The following HSD17B6 variants were observed in gnomAD, a reference collection of about 807,000 sequenced individuals.
HSD17B6 encodes the protein hydroxysteroid 17-beta dehydrogenase 6, also known as 17-beta-hydroxysteroid dehydrogenase type 6.
A neutral mutation model predicts 26.4 loss-of-function variants in HSD17B6; 16 were observed. The observed-to-expected ratio is 0.61, with a 90% CI of 0.41 to 0.92. The LOEUF (loss-of-function observed/expected upper bound fraction) is 0.92. Ranked by LOEUF, HSD17B6 falls within the 40% of genes least tolerant of loss-of-function variation. The probability of loss-of-function intolerance (pLI) is 0.00; values close to 1 mark genes in which losing one functional copy is unlikely to be tolerated. For synonymous variants in HSD17B6, 139 were observed against 153.0 expected (o/e 0.91, Z 0.68); for missense variants, 357 against 386.1 (o/e 0.92, Z 0.63).
chr12:56,781,618 A>G (rs1277102131), intron 2 of HSD17B6, among the ~76,000 whole-genome samples: 3 of 152,112 alleles, frequency 2.0e-5, no homozygotes, highest in Non-Finnish European at 2.9e-5. Flanking sequence ...CCTAGCCAAC[A>G]TGGTGAAACC....
intron 1 of HSD17B6, among the ~76,000 whole-genome samples, chr12:56,765,039 G>A (rs1369632663): frequency 1.3e-5 from 2 of 152,018 alleles, no homozygotes; most frequent in African/African-American, 4.8e-5. Flanking sequence ...TGGCCAGGCT[G>A]GTCTTGAACT....
In HSD17B6 at chr12:56,783,534, C is replaced by T. The variant is rs1478718373; in HGVS notation, c.572+1302C>T. 1.1e-4 allele frequency among the ~76,000 whole-genome samples: 15 copies of T among 132,780 alleles called. 1 individual carries two copies. Among genetic ancestry groups the T allele is most frequent in the African/African-American group, 2.3e-4 (8 of 35,086 alleles). 87.1% of individuals were successfully genotyped at this position (132,780 alleles called of 152,430 possible). On this transcript the variant is annotated intron_variant, in intron 3 of 4. Transcript: ENST00000322165. ...CTCCCGGATGGGGCGGCCGGCCGGG[C>T]GGGGGGCTGAACCCCCCCCACCTCC...
At chr12:56,780,718 G>A (rs1455261521) in intron 2 of HSD17B6, among the ~76,000 whole-genome samples, 2 of 151,800 alleles carry the variant, frequency 1.3e-5, no homozygotes, top group African/African-American at 2.4e-5. Flanking sequence ...AAAATTAGCC[G>A]GGCGTCTGTA....
At position 56,773,994 on chromosome 12, in the gene HSD17B6, C is replaced by A. The variant is rs375178982; in HGVS notation, c.142C>A (p.Gln48Lys). The A allele has an allele frequency of 2.5e-6, 4 of 1,613,958 alleles. No individual in the cohort carries two copies. Among genetic ancestry groups the A allele is most frequent in the African/African-American group, 1.3e-5 (1 of 74,872 alleles). ...GGGCTTTGGGAACCTGCTGGCCAGA[C>A]AGCTGGATGCACGAGGCTTGAGAGT... ...DSGFGNLLARQLDARGLRVLA... is the reference protein window; with the variant it reads ...DSGFGNLLARKLDARGLRVLA... Residue 48 changes from glutamine to lysine, a missense_variant, in exon 2 of 5, where the codon CAG becomes AAG. By Grantham distance (53) the Gln-to-Lys change is moderately conservative. Coordinates refer to ENST00000322165, the MANE Select transcript of HSD17B6 (RefSeq NM_003725.4).
In HSD17B6 at chr12:56,774,007, G is replaced by A. The variant is rs201615400; in HGVS notation, c.155G>A (p.Arg52Gln). The change falls in exon 2 of 5, where the codon CGA becomes CAA. Residue 52 changes from arginine (R) to glutamine (Q), a missense_variant. Arg to Gln is a conservative substitution (Grantham distance 43, BLOSUM62 1). Coordinates refer to ENST00000322165, the MANE Select transcript of HSD17B6 (RefSeq NM_003725.4). ...GNLLARQLDA[R>Q]GLRVLAACLT... ...CTGCTGGCCAGACAGCTGGATGCACGAGGCTTGAGAGTGCTGGCTGCGTGT... is the reference window on the plus strand; with the variant it reads ...CTGCTGGCCAGACAGCTGGATGCACAAGGCTTGAGAGTGCTGGCTGCGTGT... 59 of 1,614,028 alleles carry A rather than the reference G, an allele frequency of 3.7e-5. No individual in the cohort carries two copies. In the East Asian group the frequency reaches 5.3e-4, roughly 15 times the overall value.
chr12:56,782,240 A>T lies in HSD17B6; in HGVS notation c.572+8A>T. The T allele has an allele frequency of 1.2e-6, 2 of 1,611,680 alleles. No individual in the cohort carries two copies. Among genetic ancestry groups the T allele is most frequent in the Non-Finnish European group, 1.7e-6 (2 of 1,178,956 alleles). On this transcript the variant is annotated splice_region_variant and intron_variant, in intron 3 of 4. Coordinates refer to ENST00000322165, the MANE Select transcript of HSD17B6 (RefSeq NM_003725.4). ...CTTTTCAGATATTCTGAGGTAACTTAAGTTAAAACAAAAACAGCTATTGAG... is the reference window on the plus strand; with the variant it reads ...CTTTTCAGATATTCTGAGGTAACTTTAGTTAAAACAAAAACAGCTATTGAG...
chr12:56,769,229 A>G (rs934723321), intron 1 of HSD17B6, among the ~76,000 whole-genome samples: 2 of 151,768 alleles, frequency 1.3e-5, no homozygotes, highest in Admixed American at 1.3e-4. Flanking sequence ...CCGCCTCCCA[A>G]GTAGCTGGGA....
chr12:56,769,410 C>T (rs532882629), intron 1 of HSD17B6, among the ~76,000 whole-genome samples: 9 of 152,190 alleles, frequency 5.9e-5, no homozygotes, highest in Admixed American at 5.2e-4. Flanking sequence ...CCTAGCTTTT[C>T]AAGATCTTTG....
At position 56,785,819 on chromosome 12, in the gene HSD17B6, A is replaced by G. The variant is rs753686733; in HGVS notation, c.736+803A>G. ...CTTAATGTGACAGGAGAAAGCATGT[A>G]GGTGGGAAGAGGTAAGTCAGTGAGG... On this transcript the variant is annotated intron_variant, in intron 4 of 4. Coordinates refer to ENST00000322165, the MANE Select transcript of HSD17B6 (RefSeq NM_003725.4). The G allele has an allele frequency of 6.7e-4, 153 of 227,244 alleles. 1 individual carries two copies. The highest frequency in any genetic ancestry group is 1.1e-3 in the Non-Finnish European group (144 of 136,892). 14.1% of individuals were successfully genotyped at this position (227,244 alleles called of 1,614,324 possible).
chr12:56,782,811 T>C (rs1405853609), intron 3 of HSD17B6, among the ~76,000 whole-genome samples: 1 of 152,080 alleles, frequency 6.6e-6, no homozygotes, highest in Non-Finnish European at 1.5e-5. Flanking sequence ...TTTGTGTCCC[T>C]GGGTACTTGA....
At position 56,787,272 on chromosome 12, in the gene HSD17B6, C is replaced by T. The variant is rs1565925704; in HGVS notation, c.884C>T (p.Ser295Phe). The T allele has an allele frequency of 1.2e-6, 2 of 1,614,150 alleles. No individual in the cohort carries two copies. The highest frequency in any genetic ancestry group is 1.7e-6 in the Non-Finnish European group (2 of 1,179,988). ...WDAKFFFIPL[S>F]YLPTSLADYI... is the part of the protein sequence containing the mutation. The stretch of plus-strand genomic sequence containing the variant: ...GCTAAATTTTTCTTCATCCCTCTAT[C>T]TTATTTACCTACATCACTGGCAGAC... The change falls in exon 5 of 5, where the codon TCT becomes TTT. Residue 295 changes from serine to phenylalanine, a missense_variant. Ser to Phe is a radical substitution (Grantham distance 155, BLOSUM62 -2). Coordinates refer to ENST00000322165, the MANE Select transcript of HSD17B6 (RefSeq NM_003725.4).
intron 3 of HSD17B6, among the ~76,000 whole-genome samples, chr12:56,783,776 C>T (rs1458665497): frequency 2.2e-4 from 32 of 144,834 alleles, no homozygotes; most frequent in Middle Eastern, 3.9e-3. Context: ...CGGGCAGAGG[C>T]ACCCCTCACC....
rs772208191 is a variant in HSD17B6 at position 56,784,944 on chromosome 12, C to G, written c.664C>G (p.Arg222Gly). The change falls in exon 4 of 5, where the codon CGA becomes GGA. Residue 222 changes from arginine to glycine, a missense_variant. Transcript: ENST00000322165. ...GACAAACATGACACAGTCCTTAGAGCGAATGAAGCAAAGTTGGAAAGAAGC... is the reference window on the plus strand; with the variant it reads ...GACAAACATGACACAGTCCTTAGAGGGAATGAAGCAAAGTTGGAAAGAAGC... Reference protein sequence around the residue: ...GMTNMTQSLERMKQSWKEAPK... With the variant: ...GMTNMTQSLEGMKQSWKEAPK... 8 of 1,613,714 alleles carry G rather than the reference C, an allele frequency of 5.0e-6. No homozygotes were observed. In the Admixed American group the frequency reaches 8.3e-5, roughly 17 times the overall value.
intron 3 of HSD17B6, among the ~76,000 whole-genome samples, chr12:56,783,101 T>C (rs1954762543): frequency 6.6e-6 from 1 of 152,260 alleles, no homozygotes; most frequent in Non-Finnish European, 1.5e-5. Flanking sequence ...TTGCCCCCTT[T>C]TCTATTCCAC....
At chr12:56,786,947 C>A (rs1280561571) in intron 4 of HSD17B6, among the ~76,000 whole-genome samples, 178 bp from the exon 5 acceptor site, 1 of 152,086 alleles carries the variant, frequency 6.6e-6, no homozygotes, top group Non-Finnish European at 1.5e-5. Flanking sequence ...TATTCCAGTG[C>A]ATTAGCTATT....
chr12:56,767,720 C>T (rs1372320245), intron 1 of HSD17B6, among the ~76,000 whole-genome samples: 1 of 141,508 alleles, frequency 7.1e-6, no homozygotes, highest in Non-Finnish European at 1.5e-5. Flanking sequence ...CATATATACA[C>T]ACATATATAA....
rs747039756 is a variant in HSD17B6 at position 56,787,145 on chromosome 12, G to T, written c.757G>T (p.Gly253Trp). 1.9e-6 allele frequency: 3 copies of T among 1,613,388 alleles called. No individual in the cohort carries two copies. The highest frequency in any genetic ancestry group is 3.3e-5 in the Admixed American group (2 of 59,996). The change falls in exon 5 of 5, where the codon GGG (glycine) becomes TGG (tryptophan). Residue 253 changes from glycine (G) to tryptophan (W), a missense_variant. Transcript: ENST00000322165. The part of the protein sequence containing the change: ...FDALYNIMKE[G>W]LLNCSTNLNL... Reference sequence around the variant, plus strand: ...TACAGTTTACAATATCATGAAGGAAGGGCTGTTGAATTGTAGCACAAACCT... The same window carrying T: ...TACAGTTTACAATATCATGAAGGAATGGCTGTTGAATTGTAGCACAAACCT...
intron 1 of HSD17B6, among the ~76,000 whole-genome samples, chr12:56,771,820 A>T (rs1188557225): frequency 6.6e-6 from 1 of 152,136 alleles, no homozygotes; most frequent in Non-Finnish European, 1.5e-5. Flanking sequence ...CCCAAATCAT[A>T]TCTTGAATTG....
chr12:56,782,578 C>G (rs1054238281), intron 3 of HSD17B6, among the ~76,000 whole-genome samples: 1 of 152,104 alleles, frequency 6.6e-6, no homozygotes, highest in African/African-American at 2.4e-5. Context: ...ATTGCAGCCT[C>G]AACCTCCTGG....
Sources: gnomAD v4.1 joint callset for allele counts (sites outside exome capture counted in the v4.1 genomes callset) on GRCh38, gnomAD v4.1.1 for gene constraint, MANE v1.5 for transcripts, NCBI Gene and HGNC (gene_info 2026-07-23, HGNC 2026-07-21) for gene names.